XDH: variants seen among roughly 807,000 people sequenced by gnomAD.
XDH encodes xanthine dehydrogenase/oxidase.
In XDH, 138 loss-of-function variants were observed where a neutral mutation model predicts 156.1. The observed-to-expected ratio is 0.88, with a 90% CI of 0.77 to 1.02. The LOEUF is 1.02. Ranked by LOEUF, XDH falls within the 50% of genes least tolerant of loss-of-function variation. The probability of loss-of-function intolerance (pLI) is 0.00; values close to 1 mark genes in which losing one functional copy is unlikely to be tolerated. For synonymous variants in XDH, 669 were observed against 625.7 expected (o/e 1.07, Z -1.03); for missense variants, 1,849 against 1,684.9 (o/e 1.10, Z -1.71).
intron 12 of XDH, among the ~76,000 whole-genome samples, chr2:31,381,238 C>T (rs1444380465): frequency 6.6e-6 from 1 of 152,146 alleles, no homozygotes; most frequent in East Asian, 1.9e-4. Context: ...TCAAGTAATC[C>T]TCCTGCCTCA....
In XDH at chr2:31,350,368, CTTTTTTTTTTTTTTT is replaced by C. The variant is rs35646405; in HGVS notation, c.2632-160_2632-146del. 28 of 259,986 alleles carry C rather than the reference CTTTTTTTTTTTTTTT, an allele frequency of 1.1e-4. No individual in the cohort carries two copies. In the African/African-American group the frequency reaches 1.4e-3, roughly 13 times the overall value. 16.1% of individuals were successfully genotyped at this position (259,986 alleles called of 1,614,324 possible). A position where few individuals can be genotyped will look rare whatever the true frequency, so the allele number is the denominator to read the frequency against. ...CTCCCCCAGGATATTGCAGCAGCAT[CTTTTTTTTTTTTTTT>C]TTTTTTTTTTTTGAGATGGAGTCTC... On this transcript the variant is annotated intron_variant, in intron 24 of 35. Coordinates refer to ENST00000379416, the MANE Select transcript of XDH (RefSeq NM_000379.4).
intron 24 of XDH, among the ~76,000 whole-genome samples, chr2:31,357,480 T>C (rs75264945): frequency 0.018 from 2,802 of 152,218 alleles, 84 homozygotes; most frequent in African/African-American, 0.063. Context: ...ATGAATTTTT[T>C]AATAACTTAG....
At chr2:31,371,679 T>TG (rs1686075504) in intron 17 of XDH, among the ~76,000 whole-genome samples, 1 of 152,074 alleles carries the variant, frequency 6.6e-6, no homozygotes, top group African/African-American at 2.4e-5. Context: ...CACTTTTTTT[T>TG]TTGTTTTCAG....
intron 4 of XDH, among the ~76,000 whole-genome samples, chr2:31,400,832 A>C (rs1407513155): frequency 6.6e-6 from 1 of 152,198 alleles, no homozygotes; most frequent in Non-Finnish European, 1.5e-5. Context: ...CTTATAAACA[A>C]GGGGCACAGA....
chr2:31,342,320 C>G, intron 31 of XDH, 23 bp from the exon 32 acceptor site: 1 of 1,595,178 alleles, frequency 6.3e-7, no homozygotes, highest in Non-Finnish European at 8.6e-7. Context: ...AGAGAAGGTA[C>G]TGCACATGTA....
At chr2:31,401,162 C>G (rs1270640075) in intron 4 of XDH, 58 bp downstream of exon 4, 1 of 1,595,742 alleles carries the variant, frequency 6.3e-7, no homozygotes, top group African/African-American at 1.3e-5. Context: ...TTGGCATGAG[C>G]CTCCCTGCAG....
chr2:31,393,208 T>C (rs979454786), intron 6 of XDH, among the ~76,000 whole-genome samples: 3 of 152,220 alleles, frequency 2.0e-5, no homozygotes, highest in African/African-American at 7.2e-5. Flanking sequence ...CCTGGTGCTG[T>C]CCATTTCTGA....
intron 31 of XDH, 25 bp from the exon 32 acceptor site, chr2:31,342,322 G>T: frequency 1.9e-6 from 3 of 1,589,370 alleles, no homozygotes; most frequent in Non-Finnish European, 2.6e-6. Context: ...AGAAGGTACT[G>T]CACATGTATT....
rs774861289 is a variant in XDH, at chr2:31,375,430, TGAA to T, written c.1549_1551del (p.Phe517del). On this transcript the variant is annotated inframe_deletion, in exon 15 of 36. Coordinates refer to ENST00000379416, the MANE Select transcript of XDH (RefSeq NM_000379.4). ...TTCTGAAGGACTGTCAGGTAGAACT[TGAA>T]GAAGAAGCTGAGGGTGAGGGTGCAC... 6.2e-6 allele frequency: 10 copies of T among 1,614,022 alleles called. No homozygotes were observed. Among genetic ancestry groups the T allele is most frequent in the Non-Finnish European group, 7.6e-6 (9 of 1,180,034 alleles).
At chr2:31,410,830 A>G (rs1558320445) in intron 1 of XDH, among the ~76,000 whole-genome samples, 1 of 152,208 alleles carries the variant, frequency 6.6e-6, no homozygotes, top group Non-Finnish European at 1.5e-5. Flanking sequence ...GACTAAAGAC[A>G]TGGCAACCAA....
intron 3 of XDH, among the ~76,000 whole-genome samples, 200 bp downstream of exon 3, chr2:31,402,848 C>T (rs572590972): frequency 9.1e-4 from 139 of 152,248 alleles, no homozygotes; most frequent in African/African-American, 3.2e-3. Flanking sequence ...ATCAGCAGTT[C>T]GGAGCCTGGT....
chr2:31,366,155 C>G, intron 21 of XDH, 46 bp from the exon 22 acceptor site: 1 of 1,614,130 alleles, frequency 6.2e-7, no homozygotes, highest in Non-Finnish European at 8.5e-7. Flanking sequence ...ATTACCTGAA[C>G]TTATTTCAGG....
At chr2:31,386,101 C>T (rs901846352) in intron 9 of XDH, among the ~76,000 whole-genome samples, 1 of 152,144 alleles carries the variant, frequency 6.6e-6, no homozygotes, top group African/African-American at 2.4e-5. Flanking sequence ...TCATTTCACA[C>T]CCAAAACAAT....
rs771705764 is a variant in XDH, at chr2:31,339,649, C to G, written c.3614G>C (p.Gly1205Ala). The part of the protein sequence containing the change: ...QVEGAFVQGL[G>A]LFTLEELHYS... ...GTGTAGCTCCTCTAGGGTGAAGAGG[C>G]CAAGGCCCTGGACAAATGCCCCTTC... The change falls in exon 34 of 36, where the codon GGC (glycine) becomes GCC (alanine). Residue 1205 changes from glycine to alanine, a missense_variant. Coordinates refer to ENST00000379416, the MANE Select transcript of XDH (RefSeq NM_000379.4). The G allele has an allele frequency of 8.7e-6, 14 of 1,614,134 alleles. No individual in the cohort carries two copies. The South Asian group carries it at 1.5e-4, about 18-fold the overall frequency.
chr2:31,372,562 T>C (rs1022790162), intron 16 of XDH, among the ~76,000 whole-genome samples, 165 bp from the exon 17 acceptor site: 1 of 152,146 alleles, frequency 6.6e-6, no homozygotes, highest in African/African-American at 2.4e-5. Flanking sequence ...GGTGCATAAG[T>C]GATAGCAAGG....
intron 5 of XDH, 79 bp downstream of exon 5, chr2:31,398,494 C>G (rs1686971066): frequency 1.2e-6 from 2 of 1,607,308 alleles, no homozygotes; most frequent in Admixed American, 3.3e-5. Flanking sequence ...CCTCATGCTT[C>G]TCACCCTGGC....
At chr2:31,376,742 G>A (rs540419990) in intron 14 of XDH, among the ~76,000 whole-genome samples, 1 of 148,924 alleles carries the variant, frequency 6.7e-6, no homozygotes, top group South Asian at 2.1e-4. Context: ...GAAGCAGCTG[G>A]AGTAGTAGCA....
intron 14 of XDH, among the ~76,000 whole-genome samples, chr2:31,376,121 C>T (rs1204639356): frequency 6.6e-6 from 1 of 151,926 alleles, no homozygotes; most frequent in Admixed American, 6.6e-5. Flanking sequence ...AGCAGTAGTA[C>T]TAATCACAGC....
At chr2:31,359,098 G>T (rs2148762712) in intron 24 of XDH, among the ~76,000 whole-genome samples, 1 of 152,178 alleles carries the variant, frequency 6.6e-6, no homozygotes, top group African/African-American at 2.4e-5. Context: ...ATCACAATGA[G>T]CTATCACTTC....
Sources: allele counts gnomAD v4.1 joint callset (sites outside exome capture counted in the v4.1 genomes callset), GRCh38; gene constraint gnomAD v4.1.1; transcripts MANE v1.5; gene names NCBI Gene and HGNC (gene_info 2026-07-23, HGNC 2026-07-21).